The following PLPP3 variants were observed in gnomAD, a reference collection of about 807,000 sequenced individuals.
PLPP3 encodes phospholipid phosphatase 3.
In PLPP3, 6 loss-of-function variants were observed where a neutral mutation model predicts 29.6. The ratio of observed to expected loss-of-function variants is 0.20; its 90% CI spans 0.11 to 0.40. PLPP3 has a LOEUF of 0.40. Ranked by LOEUF, PLPP3 falls within the 10% of genes least tolerant of loss-of-function variation. The pLI, the probability that PLPP3 is intolerant of heterozygous loss-of-function variation, is 1.00. For missense variants in PLPP3, 308 were observed against 407.7 expected (o/e 0.76, Z 2.11); for synonymous variants, 152 against 159.7 (o/e 0.95, Z 0.36).
At chr1:56,516,409 T>C (rs905189173) in intron 4 of PLPP3, among the ~76,000 whole-genome samples, 2 of 152,158 alleles carry the variant, frequency 1.3e-5, no homozygotes, top group East Asian at 1.9e-4. Flanking sequence ...ACCCTGCTGA[T>C]AGATGATGTC....
intron 1 of PLPP3, among the ~76,000 whole-genome samples, chr1:56,549,898 C>T (rs570330358): frequency 3.1e-4 from 47 of 152,290 alleles, no homozygotes; most frequent in African/African-American, 1.1e-3. Flanking sequence ...CATTAGCTAC[C>T]GCTAGACACT....
chr1:56,519,341 T>C (rs1042761334), intron 4 of PLPP3, among the ~76,000 whole-genome samples: 12 of 152,014 alleles, frequency 7.9e-5, no homozygotes, highest in African/African-American at 2.9e-4. Flanking sequence ...ATTCTGAGAG[T>C]CCGTAATATA....
intron 1 of PLPP3, among the ~76,000 whole-genome samples, chr1:56,572,140 A>C (rs773074847): frequency 7.4e-6 from 1 of 134,758 alleles, no homozygotes; most frequent in Non-Finnish European, 1.5e-5. Context: ...GCCTCTGCCA[A>C]CTGGGTTCCA....
rs777875866 is a variant in PLPP3, at chr1:56,556,926, A to AAGAG, written c.140-19818_140-19815dup. ...GGGGAGGGGAGTGGAGGGAGAAAGA[A>AAGAG]AGAGAGAGAGAGAGAGAGAGACAGA... On this transcript the variant is annotated intron_variant, in intron 1 of 5. Coordinates refer to ENST00000371250, the MANE Select transcript of PLPP3 (RefSeq NM_003713.5). Among the ~76,000 whole-genome samples the AAGAG allele has an allele frequency of 5.2e-3, 644 of 124,432 alleles. 11 individuals are homozygous for AAGAG. Among genetic ancestry groups the AAGAG allele is most frequent in the African/African-American group, 0.021 (616 of 29,376 alleles). The allele number at this position is 124,432 out of a possible 152,430, so 81.6% of individuals were successfully genotyped here. A position where few individuals can be genotyped will look rare whatever the true frequency, so the allele number is the denominator to read the frequency against.
At chr1:56,578,266 G>A (rs1646249608) in intron 1 of PLPP3, among the ~76,000 whole-genome samples, 1 of 152,176 alleles carries the variant, frequency 6.6e-6, no homozygotes, top group Non-Finnish European at 1.5e-5. Context: ...CCCTGAAGCC[G>A]CCTACCACCT....
At chr1:56,564,499 G>T (rs1177916462) in intron 1 of PLPP3, among the ~76,000 whole-genome samples, 1 of 152,140 alleles carries the variant, frequency 6.6e-6, no homozygotes, top group Non-Finnish European at 1.5e-5. Context: ...TTCAGTAAAA[G>T]GGATTATTAA....
At position 56,554,550 on chromosome 1, in the gene PLPP3, C is replaced by T. The variant is rs547807170; in HGVS notation, c.140-17438G>A. ...TCACGCCTCTGCACTCCAGCCTGGGCGACAGAGCAAGACTCCATCTCAAAA... is the reference window on the plus strand; with the variant it reads ...TCACGCCTCTGCACTCCAGCCTGGGTGACAGAGCAAGACTCCATCTCAAAA... On this transcript the variant is annotated intron_variant, in intron 1 of 5. Coordinates refer to ENST00000371250, the MANE Select transcript of PLPP3 (RefSeq NM_003713.5). Among the ~76,000 whole-genome samples, 43 of 142,072 alleles carry T rather than the reference C, an allele frequency of 3.0e-4. No individual in the cohort carries two copies. In the East Asian group the frequency reaches 4.3e-3, roughly 14 times the overall value. The allele number at this position is 142,072 out of a possible 152,430, so 93.2% of individuals were successfully genotyped here.
chr1:56,545,683 T>C (rs1261169716), intron 1 of PLPP3, among the ~76,000 whole-genome samples: 1 of 151,882 alleles, frequency 6.6e-6, no homozygotes, highest in Admixed American at 6.6e-5. Flanking sequence ...TTGAGAAAAA[T>C]ACATTTATTT....
chr1:56,562,190 T>C (rs1208361259), intron 1 of PLPP3, among the ~76,000 whole-genome samples: 1 of 150,104 alleles, frequency 6.7e-6, no homozygotes, highest in African/African-American at 2.5e-5. Context: ...AGTGGGGTAA[T>C]GGGGATGAGA....
At chr1:56,542,812 A>G (rs1054399238) in intron 1 of PLPP3, among the ~76,000 whole-genome samples, 5 of 152,196 alleles carry the variant, frequency 3.3e-5, no homozygotes, top group Admixed American at 2.0e-4. Flanking sequence ...GCTTGAGCTC[A>G]TAAGTCCGAG....
chr1:56,552,028 A>ACT (rs1646042769), intron 1 of PLPP3, among the ~76,000 whole-genome samples: 1 of 152,182 alleles, frequency 6.6e-6, no homozygotes, highest in Admixed American at 6.5e-5. Flanking sequence ...CATCTGACAC[A>ACT]AGGTATTACT....
intron 4 of PLPP3, among the ~76,000 whole-genome samples, chr1:56,521,473 T>C (rs980609053): frequency 6.6e-6 from 1 of 152,088 alleles, no homozygotes; most frequent in African/African-American, 2.4e-5. Flanking sequence ...GAATGTGTGT[T>C]TGTGCAAGAG....
chr1:56,522,708 G>GT (rs1422025707), intron 4 of PLPP3, among the ~76,000 whole-genome samples: 3 of 152,188 alleles, frequency 2.0e-5, no homozygotes, highest in Non-Finnish European at 2.9e-5. Flanking sequence ...ACTTTCTGCT[G>GT]TTTTTCCCAA....
chr1:56,514,314 G>A (rs547584202), intron 4 of PLPP3, among the ~76,000 whole-genome samples: 1 of 151,628 alleles, frequency 6.6e-6, no homozygotes, highest in Non-Finnish European at 1.5e-5. Context: ...GGGCAGGAGT[G>A]GGGGATATAT....
At position 56,525,539 on chromosome 1, in the gene PLPP3, G is replaced by A. The variant is rs146604059; in HGVS notation, c.298-985C>T. On this transcript the variant is annotated intron_variant, in intron 2 of 5. Transcript: ENST00000371250. ...TCCTGATGCTCAAGATAGATATAGT[G>A]ACATCATTTACATTAAGGATGGGGG... Among the ~76,000 whole-genome samples, 510 of 152,224 alleles carry A rather than the reference G, an allele frequency of 3.4e-3. 1 individual carries two copies. Among genetic ancestry groups the A allele is most frequent in the African/African-American group, 0.012 (488 of 41,534 alleles).
rs1557513691 is a variant in PLPP3, at chr1:56,557,031, AGAG to A, written c.140-19922_140-19920del. On this transcript the variant is annotated intron_variant, in intron 1 of 5. Transcript: ENST00000371250. ...GAAAGAGAGAGAGAGAGAGAAAGAG[AGAG>A]AGAGAGAGAGAGAGAGAGAGAGAGA... Among the ~76,000 whole-genome samples, 26 of 38,326 alleles carry A rather than the reference AGAG, an allele frequency of 6.8e-4. 3 individuals are homozygous for A. Among genetic ancestry groups the A allele is most frequent in the African/African-American group, 1.3e-3 (18 of 14,176 alleles). The allele number at this position is 38,326 out of a possible 152,430, so 25.1% of individuals were successfully genotyped here. A position where few individuals can be genotyped will look rare whatever the true frequency, so the allele number is the denominator to read the frequency against.
At chr1:56,572,533 G>T (rs1429448869) in intron 1 of PLPP3, among the ~76,000 whole-genome samples, 1 of 152,132 alleles carries the variant, frequency 6.6e-6, no homozygotes, top group Non-Finnish European at 1.5e-5. Context: ...AACCACCAAA[G>T]CCTATTGAGG....
intron 1 of PLPP3, among the ~76,000 whole-genome samples, chr1:56,571,041 G>A (rs898668397): frequency 3.9e-5 from 6 of 152,116 alleles, no homozygotes; most frequent in Non-Finnish European, 7.3e-5. Flanking sequence ...ACTGACGCAC[G>A]CAAGAGAGAA....
intron 1 of PLPP3, among the ~76,000 whole-genome samples, chr1:56,551,406 G>C (rs1264581161): frequency 1.3e-5 from 2 of 151,930 alleles, no homozygotes; most frequent in African/African-American, 4.8e-5. Context: ...TACTTGATTA[G>C]TGAATTCTCA....
Sources: allele counts gnomAD v4.1 joint callset (sites outside exome capture counted in the v4.1 genomes callset), GRCh38; gene constraint gnomAD v4.1.1; transcripts MANE v1.5; gene names NCBI Gene and HGNC (gene_info 2026-07-23, HGNC 2026-07-21).